Variants in ITGAE observed in about 807,000 individuals in gnomAD.
ITGAE encodes the protein integrin subunit alpha E.
In ITGAE, 99 loss-of-function variants were observed where a neutral mutation model predicts 136.5. The ratio of observed to expected loss-of-function variants is 0.73; its 90% confidence interval spans 0.62 to 0.86. The LOEUF is 0.86. ITGAE is among the 40% of genes least tolerant of loss of function. ITGAE has a pLI of 0.00. For missense variants in ITGAE, 1,447 were observed against 1,515.3 expected (o/e 0.95, Z 0.75); for synonymous variants, 613 against 591.8 (o/e 1.04, Z -0.52).
Position 3,779,587 on chromosome 17 carries a change from C to A in ITGAE, c.35-1927G>T, listed in dbSNP as rs142924302. ...CAAGTGATCCACCTGCCTTGGCCTC[C>A]CAAAGTGCTGGGATTACAGGTGTGA... On this transcript the variant is annotated intron_variant, in intron 1 of 30. Transcript: ENST00000263087. Among the ~76,000 whole-genome samples the A allele has an allele frequency of 6.1e-3, 922 of 152,206 alleles. 5 individuals are homozygous for A. Among genetic ancestry groups the A allele is most frequent in the Middle Eastern group, 0.024 (7 of 294 alleles).
intron 2 of ITGAE, among the ~76,000 whole-genome samples, chr17:3,774,310 C>T (rs936787569): frequency 2.6e-5 from 4 of 152,048 alleles, no homozygotes; most frequent in Non-Finnish European, 5.9e-5. Flanking sequence ...AGGCTGGGCC[C>T]GCTCAGTGGG....
chr17:3,740,672 G>A (rs1044336789), intron 19 of ITGAE, among the ~76,000 whole-genome samples: 6 of 152,194 alleles, frequency 3.9e-5, no homozygotes, highest in South Asian at 2.1e-4. Flanking sequence ...CACCGCGCCC[G>A]GCCTGGCTAG....
intron 8 of ITGAE, among the ~76,000 whole-genome samples, chr17:3,758,743 C>T (rs146878817): frequency 5.3e-5 from 8 of 151,848 alleles, no homozygotes; most frequent in South Asian, 2.1e-4. Flanking sequence ...TGAGCTACCA[C>T]GCTCAGCCTA....
At chr17:3,739,706 A>C in intron 20 of ITGAE, 99 bp downstream of exon 20, 1 of 973,140 alleles carries the variant, frequency 1.0e-6, no homozygotes, top group South Asian at 1.3e-5. Context: ...CCACGGGGAG[A>C]GGGGAAGGGG....
chr17:3,735,518 G>C (rs1389057281), intron 20 of ITGAE, among the ~76,000 whole-genome samples: 2 of 152,018 alleles, frequency 1.3e-5, no homozygotes, highest in Non-Finnish European at 2.9e-5. Flanking sequence ...TCGCCATGTG[G>C]AGGCGGGTCT....
At chr17:3,735,527 C>A (rs2051442335) in intron 20 of ITGAE, among the ~76,000 whole-genome samples, 3 of 151,770 alleles carry the variant, frequency 2.0e-5, no homozygotes, top group Admixed American at 2.0e-4. Context: ...GGAGGCGGGT[C>A]TTGAACTCCT....
chr17:3,733,002 G>A (rs1211562317), intron 21 of ITGAE, among the ~76,000 whole-genome samples: 1 of 151,966 alleles, frequency 6.6e-6, no homozygotes, highest in Non-Finnish European at 1.5e-5. Flanking sequence ...TCATTTTTTT[G>A]AGATGGAGTT....
chr17:3,776,839 G>T (rs752268109), intron 2 of ITGAE, among the ~76,000 whole-genome samples: 1 of 152,190 alleles, frequency 6.6e-6, no homozygotes, highest in African/African-American at 2.4e-5. Flanking sequence ...GATTACAGGC[G>T]TGAGCCACGG....
chr17:3,759,619 C>A (rs2052116806), intron 7 of ITGAE, 66 bp from the exon 8 acceptor site: 1 of 1,561,466 alleles, frequency 6.4e-7, no homozygotes, highest in East Asian at 2.3e-5. Flanking sequence ...GAAATGTCTC[C>A]CGCTGGAAGC....
intron 1 of ITGAE, among the ~76,000 whole-genome samples, chr17:3,783,822 T>A (rs11656569): frequency 6.6e-6 from 1 of 152,112 alleles, no homozygotes; most frequent in Non-Finnish European, 1.5e-5. Context: ...ACTAGGAAGA[T>A]GTGACAATTT....
At position 3,734,825 on chromosome 17, in the gene ITGAE, T is replaced by C; in HGVS notation, c.2647A>G (p.Met883Val). The change falls in exon 21 of 31, where the codon ATG becomes GTG. Residue 883 changes from methionine to valine, a missense_variant. Met to Val is a conservative substitution (Grantham distance 21). Transcript: ENST00000263087. ...GCCACCGTCACAGTCACCTTTTGCATCCTCTTCAACTGCAGGTTTCTGGGG... is the reference window on the plus strand; with the variant it reads ...GCCACCGTCACAGTCACCTTTTGCACCCTCTTCAACTGCAGGTTTCTGGGG... ...NYPRNLQLKR[M>V]QKPPSPNIQC... The C allele has an allele frequency of 6.2e-7, 1 of 1,614,150 alleles. No homozygotes were observed. Among genetic ancestry groups the C allele is most frequent in the Non-Finnish European group, 8.5e-7 (1 of 1,180,002 alleles).
Position 3,745,808 on chromosome 17 carries a change from A to G in ITGAE, c.2275T>C (p.Ser759Pro). The G allele has an allele frequency of 3.7e-6, 6 of 1,614,036 alleles. No individual in the cohort carries two copies. The highest frequency in any genetic ancestry group is 5.1e-6 in the Non-Finnish European group (6 of 1,180,010). Residue 759 changes from serine (S) to proline (P), a missense_variant, in exon 18 of 31, where the codon TCC becomes CCC. This residue lies in a region of ITGAE where 1,031 missense variants were observed against 1,011.4 expected (regional missense o/e 1.02). Coordinates refer to ENST00000263087, the MANE Select transcript of ITGAE (RefSeq NM_002208.5). ...AGCAGGAGGTCCTCACAAAGCTGGG[A>G]TCCGCTGCTCCACTCCCTCAGGCAG... ...LGCLREWSSG[S>P]QLCEDLLLMP...
intron 29 of ITGAE, among the ~76,000 whole-genome samples, chr17:3,718,731 A>G (rs899710541): frequency 1.3e-5 from 2 of 152,248 alleles, no homozygotes; most frequent in African/African-American, 2.4e-5. Context: ...TGTGCACATA[A>G]GAAACTTAAT....
intron 2 of ITGAE, among the ~76,000 whole-genome samples, chr17:3,777,291 CT>C (rs2052566975): frequency 6.6e-6 from 1 of 152,216 alleles, no homozygotes; most frequent in African/African-American, 2.4e-5. Context: ...CACCCTCCCC[CT>C]GGGCAATGGA....
At chr17:3,776,054 CTTTT>C (rs71153398) in intron 2 of ITGAE, among the ~76,000 whole-genome samples, 2 of 122,842 alleles carry the variant, frequency 1.6e-5, no homozygotes, top group African/African-American at 3.2e-5. Context: ...GTGCTAAGCC[CTTTT>C]TTTTTTTTTT....
intron 1 of ITGAE, among the ~76,000 whole-genome samples, chr17:3,784,539 C>A (rs1401217383): frequency 6.6e-6 from 1 of 151,764 alleles, no homozygotes; most frequent in Non-Finnish European, 1.5e-5. Flanking sequence ...GAACTACAGG[C>A]ACGCGCCACC....
At chr17:3,731,040 A>T in intron 23 of ITGAE, 64 bp downstream of exon 23, 1 of 1,326,108 alleles carries the variant, frequency 7.5e-7, no homozygotes, top group Non-Finnish European at 1.1e-6. Flanking sequence ...CACAGCGTGC[A>T]TGTGGCAGGG....
At chr17:3,760,979 A>G (rs74520231) in intron 6 of ITGAE, 34 bp downstream of exon 6, 68,992 of 1,579,564 alleles carry the variant, frequency 0.044, 1,678 homozygotes, top group Non-Finnish European at 0.049. Context: ...TGGCTCTGAT[A>G]GACTCAGAGC....
intron 14 of ITGAE, among the ~76,000 whole-genome samples, chr17:3,753,014 T>C (rs2051908543): frequency 6.6e-6 from 1 of 152,220 alleles, no homozygotes; most frequent in Non-Finnish European, 1.5e-5. Flanking sequence ...TGCCATTGCA[T>C]TGCAGCCTGG....
Sources: gnomAD v4.1 joint callset for allele counts (sites outside exome capture counted in the v4.1 genomes callset) on GRCh38, gnomAD v4.1.1 for gene constraint, gnomAD v4.1.1 regional missense constraint, MANE v1.5 for transcripts, NCBI Gene and HGNC (gene_info 2026-07-23, HGNC 2026-07-21) for gene names.